Variants in TCP11L2 observed in about 807,000 individuals in gnomAD.
TCP11L2 encodes the protein T-complex protein 11-like protein 2.
Under a neutral mutation model 50.7 loss-of-function variants are expected in TCP11L2, and 39 were observed. That is an observed-to-expected ratio of 0.77 (90% CI 0.60 to 1.01). The LOEUF is 1.01. TCP11L2 is among the 50% of genes least tolerant of loss of function. The pLI, the probability that TCP11L2 is intolerant of heterozygous loss-of-function variation, is 0.00. For synonymous variants in TCP11L2, 192 were observed against 219.3 expected, an observed-to-expected ratio of 0.88 and a Z score of 1.10; for missense variants, 612 against 614.7, an observed-to-expected ratio of 1.00 and a Z score of 0.05.
intron 8 of TCP11L2, among the ~76,000 whole-genome samples, chr12:106,336,586 C>T (rs1444093958): frequency 7.1e-6 from 1 of 141,010 alleles, no homozygotes; most frequent in East Asian, 2.0e-4. Flanking sequence ...CAGAATCTCG[C>T]TCTGTCACCA....
intron 1 of TCP11L2, among the ~76,000 whole-genome samples, chr12:106,305,065 T>G (rs1336381292): frequency 6.6e-6 from 1 of 152,132 alleles, no homozygotes; most frequent in Non-Finnish European, 1.5e-5. Flanking sequence ...CCAAATTTTC[T>G]CCAGCCAAAC....
chr12:106,346,375 A>G lies in TCP11L2; in HGVS notation c.1405A>G (p.Ile469Val), dbSNP rs2136854959. 4 of 1,614,198 alleles carry G rather than the reference A, an allele frequency of 2.5e-6. No homozygotes were observed. Among genetic ancestry groups the G allele is most frequent in the East Asian group, 2.2e-5 (1 of 44,882 alleles). Residue 469 changes from isoleucine (I) to valine (V), a missense_variant, in exon 10 of 10, where the codon ATT becomes GTT. Physicochemically the swap from Ile to Val is conservative, Grantham distance 29 (BLOSUM62 3). Coordinates refer to ENST00000299045, the MANE Select transcript of TCP11L2 (RefSeq NM_152772.3). ...TCCTATGCCAGGAGGCCTAGCTGTC[A>G]TTCAGCAGGAGCTAGAAGCCCTAGG... is the stretch of plus-strand genomic sequence containing the variant. Reference protein sequence around the residue: ...MPPMPGGLAVIQQELEALGSQ... With the variant: ...MPPMPGGLAVVQQELEALGSQ...
At chr12:106,329,807 T>C in intron 6 of TCP11L2, 1 of 988,648 alleles carries the variant, frequency 1.0e-6, no homozygotes, top group Non-Finnish European at 1.2e-6. Flanking sequence ...CTCAGTTGGA[T>C]GTCTTTTAAA....
intron 4 of TCP11L2, among the ~76,000 whole-genome samples, chr12:106,320,139 G>A (rs2035283132): frequency 6.6e-6 from 1 of 152,208 alleles, no homozygotes; most frequent in Non-Finnish European, 1.5e-5. Context: ...GGCGGCTCAT[G>A]CCTGTAATCC....
intron 6 of TCP11L2, among the ~76,000 whole-genome samples, chr12:106,331,738 C>G (rs1332867563): frequency 6.6e-6 from 1 of 152,248 alleles, no homozygotes; most frequent in Non-Finnish European, 1.5e-5. Flanking sequence ...GAAGTTGAGA[C>G]TGCCTGGCTC....
intron 6 of TCP11L2, among the ~76,000 whole-genome samples, chr12:106,332,017 T>C (rs1565856293): frequency 6.6e-6 from 1 of 152,194 alleles, no homozygotes; most frequent in Non-Finnish European, 1.5e-5. Flanking sequence ...AAGGAATAAA[T>C]GTAAAAGACT....
chr12:106,332,086 T>C (rs556515999), intron 6 of TCP11L2, among the ~76,000 whole-genome samples: 3 of 152,340 alleles, frequency 2.0e-5, no homozygotes, highest in South Asian at 4.1e-4. Flanking sequence ...AAATGGACAC[T>C]GTCAGTGGTA....
At chr12:106,302,148 T>C (rs1292272858), upstream of TCP11L2, among the ~76,000 whole-genome samples, 6 of 152,194 alleles carry the variant, frequency 3.9e-5, no homozygotes, top group South Asian at 2.1e-4. Context: ...CCAGTTCCGA[T>C]TGCCCCGTCT....
intron 6 of TCP11L2, among the ~76,000 whole-genome samples, chr12:106,328,646 T>C (rs767835650): frequency 1.3e-4 from 20 of 152,228 alleles, no homozygotes; most frequent in Non-Finnish European, 2.5e-4. Flanking sequence ...TTTTCAGCCT[T>C]CTTTGAATTT....
intron 9 of TCP11L2, among the ~76,000 whole-genome samples, chr12:106,342,798 T>C (rs560333399): frequency 6.6e-6 from 1 of 152,342 alleles, no homozygotes; most frequent in African/African-American, 2.4e-5. Context: ...CTGCTCTGAC[T>C]GGCACGTCAG....
At chr12:106,309,885 C>T (rs1338518748) in intron 1 of TCP11L2, among the ~76,000 whole-genome samples, 1 of 152,038 alleles carries the variant, frequency 6.6e-6, no homozygotes, top group Non-Finnish European at 1.5e-5. Context: ...TTGTGGTTTC[C>T]CATTCTGGCC....
intron 4 of TCP11L2, 51 bp from the exon 5 acceptor site, chr12:106,321,435 C>T (rs774999324): frequency 1.5e-5 from 22 of 1,481,734 alleles, no homozygotes; most frequent in Middle Eastern, 1.7e-4. Flanking sequence ...TGAAAAGTGA[C>T]AGCTTTTATT....
chr12:106,329,179 C>T, intron 6 of TCP11L2: 1 of 901,880 alleles, frequency 1.1e-6, no homozygotes, highest in Non-Finnish European at 1.7e-6. Context: ...CTGTCTCTCC[C>T]TTACTAGACT....
chr12:106,316,832 A>G (rs1301857340), intron 3 of TCP11L2, among the ~76,000 whole-genome samples: 1 of 152,200 alleles, frequency 6.6e-6, no homozygotes, highest in Non-Finnish European at 1.5e-5. Flanking sequence ...TTTATTGACT[A>G]ATACAAATGA....
At position 106,323,536 on chromosome 12, in the gene TCP11L2, T is replaced by C. The variant is rs1402035669; in HGVS notation, c.662T>C (p.Met221Thr). Residue 221 changes from methionine to threonine, a missense_variant, in exon 6 of 10, where the codon ATG becomes ACG. Met to Thr is a moderately conservative substitution (Grantham distance 81). Transcript: ENST00000299045. Reference sequence around the variant, plus strand: ...CAAATATTCCATGTCCTGGACCTCATGCAAATGGACATGGCCAATTTTACA... The same window carrying C: ...CAAATATTCCATGTCCTGGACCTCACGCAAATGGACATGGCCAATTTTACA... ...LRQIFHVLDL[M>T]QMDMANFTIM... The C allele has an allele frequency of 1.9e-6, 3 of 1,607,856 alleles. No homozygotes were observed. The highest frequency in any genetic ancestry group is 2.5e-6 in the Non-Finnish European group (3 of 1,176,724).
At chr12:106,323,801 G>A (rs1381460069) in intron 6 of TCP11L2, 155 bp downstream of exon 6, 3 of 400,956 alleles carry the variant, frequency 7.5e-6, no homozygotes, top group Admixed American at 5.1e-5. Context: ...AATGTTAAAG[G>A]TTAAAATGAA....
At chr12:106,318,538 G>A (rs1206987888) in intron 4 of TCP11L2, 74 bp downstream of exon 4, 1 of 1,570,800 alleles carries the variant, frequency 6.4e-7, no homozygotes, top group African/African-American at 1.4e-5. Context: ...GGCATAGCCT[G>A]GGTGGCTTAT....
At chr12:106,324,557 C>G (rs1365319408) in intron 6 of TCP11L2, 2 of 152,164 alleles carry the variant, frequency 1.3e-5, no homozygotes, top group Admixed American at 6.5e-5. Flanking sequence ...GAAGAATATT[C>G]TTGTTCCTGG....
At chr12:106,334,727 G>A (rs2035852862) in intron 6 of TCP11L2, among the ~76,000 whole-genome samples, 1 of 152,164 alleles carries the variant, frequency 6.6e-6, no homozygotes, top group Admixed American at 6.5e-5. Flanking sequence ...TGGATCATGA[G>A]GTCAGGAGAT....
Sources: gnomAD v4.1 joint callset for allele counts (sites outside exome capture counted in the v4.1 genomes callset) on GRCh38, gnomAD v4.1.1 for gene constraint, MANE v1.5 for transcripts, NCBI Gene and HGNC (gene_info 2026-07-23, HGNC 2026-07-21) for gene names.